CYFIP2: variants seen among roughly 807,000 people sequenced by gnomAD.
The protein encoded by CYFIP2 is cytoplasmic FMR1-interacting protein 2.
A neutral mutation model predicts 158.7 loss-of-function variants in CYFIP2; 29 were observed. That is an observed-to-expected ratio of 0.18 (90% CI 0.14 to 0.25). The LOEUF is 0.25. Among genes scored for constraint, CYFIP2 ranks in the 10% least tolerant of loss-of-function variants. The probability of loss-of-function intolerance (pLI) is 1.00; values close to 1 mark genes in which losing one functional copy is unlikely to be tolerated. For synonymous variants in CYFIP2, 585 were observed against 617.6 expected, an observed-to-expected ratio of 0.95 and a Z score of 0.78; for missense variants, 852 against 1,639.5, an observed-to-expected ratio of 0.52 and a Z score of 8.29.
intron 18 of CYFIP2, among the ~76,000 whole-genome samples, chr5:157,327,085 G>A (rs1761083627): frequency 6.6e-6 from 1 of 152,072 alleles, no homozygotes; most frequent in Non-Finnish European, 1.5e-5. Context: ...GTCATGTCCT[G>A]CTCTTGCCAT....
intron 12 of CYFIP2, 76 bp from the exon 13 acceptor site, chr5:157,314,893 C>G: frequency 8.7e-7 from 1 of 1,149,808 alleles, no homozygotes; most frequent in Non-Finnish European, 1.3e-6. Context: ...AATAATATTC[C>G]ATTGCATGGA....
At chr5:157,388,889 T>G (rs1766971715) in intron 28 of CYFIP2, among the ~76,000 whole-genome samples, 1 of 152,242 alleles carries the variant, frequency 6.6e-6, no homozygotes. Flanking sequence ...GTACTACTAG[T>G]AGTATCATGT....
At chr5:157,312,430 C>A (rs775647397) in intron 11 of CYFIP2, among the ~76,000 whole-genome samples, 1 of 151,860 alleles carries the variant, frequency 6.6e-6, no homozygotes, top group African/African-American at 2.4e-5. Context: ...ATCCCAGAAC[C>A]AACTAAGACT....
chr5:157,367,903 C>G (rs149365440), intron 26 of CYFIP2, among the ~76,000 whole-genome samples: 3 of 151,880 alleles, frequency 2.0e-5, no homozygotes, highest in Non-Finnish European at 4.4e-5. Context: ...TACAGGCATG[C>G]ACCACCACAC....
rs568816150 is a variant in CYFIP2 at position 157,336,022 on chromosome 5, C to T, written c.2385+2576C>T. 2.0e-5 allele frequency among the ~76,000 whole-genome samples: 3 copies of T among 152,238 alleles called. No individual in the cohort carries two copies. In the East Asian group the frequency reaches 5.8e-4, roughly 29 times the overall value. On this transcript the variant is annotated intron_variant, in intron 21 of 30. Coordinates refer to ENST00000620254, the MANE Select transcript of CYFIP2 (RefSeq NM_001037333.3). ...AGTGGCTCCCCAGAGAACACCAGTT[C>T]CTGGGAAGCCCATGAAGAGACCTCA...
intron 23 of CYFIP2, among the ~76,000 whole-genome samples, chr5:157,350,790 A>G (rs1397807573): frequency 6.6e-6 from 1 of 152,198 alleles, no homozygotes; most frequent in Non-Finnish European, 1.5e-5. Context: ...TGTTTGTGTC[A>G]TCTATGATTT....
intron 23 of CYFIP2, among the ~76,000 whole-genome samples, chr5:157,357,000 A>G (rs1763455900): frequency 1.3e-5 from 2 of 152,202 alleles, no homozygotes; most frequent in South Asian, 4.1e-4. Flanking sequence ...ACTGGCCCAT[A>G]CATTTCGAAG....
At chr5:157,303,051 G>A (rs574828739) in intron 7 of CYFIP2, 161 bp downstream of exon 7, 2 of 597,892 alleles carry the variant, frequency 3.3e-6, no homozygotes, top group East Asian at 2.9e-5. Context: ...ACTTAAGTCT[G>A]TCCTCCCAAC....
intron 20 of CYFIP2, among the ~76,000 whole-genome samples, chr5:157,332,010 C>A (rs770453384): frequency 6.6e-6 from 1 of 152,182 alleles, no homozygotes; most frequent in Non-Finnish European, 1.5e-5. Context: ...CATCCTCTTG[C>A]TTTTAAATTT....
intron 28 of CYFIP2, among the ~76,000 whole-genome samples, chr5:157,383,871 G>A (rs10061544): frequency 0.071 from 10,807 of 152,228 alleles, 418 homozygotes; most frequent in Middle Eastern, 0.1. Context: ...TAATGAAAAG[G>A]CAAAATTAGA....
intron 7 of CYFIP2, among the ~76,000 whole-genome samples, chr5:157,303,605 C>T (rs368857874): frequency 1.3e-5 from 2 of 152,310 alleles, no homozygotes; most frequent in East Asian, 3.9e-4. Context: ...AGGGCCCTTG[C>T]CACTCTTTGT....
At chr5:157,340,998 C>T in intron 22 of CYFIP2, 72 bp from the exon 23 acceptor site, 1 of 1,439,652 alleles carries the variant, frequency 6.9e-7, no homozygotes, top group Non-Finnish European at 9.8e-7. Context: ...GGAAGCACTC[C>T]TGTTATCTGT....
At chr5:157,328,129 CCTT>C (rs1471313285) in intron 19 of CYFIP2, 80 bp downstream of exon 19, 4 of 1,372,922 alleles carry the variant, frequency 2.9e-6, no homozygotes, top group Non-Finnish European at 4.1e-6. Flanking sequence ...GTGAAACCTC[CCTT>C]CTTCTTTAGC....
chr5:157,324,485 T>A (rs2113131893), intron 16 of CYFIP2, among the ~76,000 whole-genome samples: 1 of 152,314 alleles, frequency 6.6e-6, no homozygotes, highest in Non-Finnish European at 1.5e-5. Context: ...ACACTTCCTC[T>A]CCTTTTAGTA....
At position 157,395,391 on chromosome 5, in the gene CYFIP2, AGTT is replaced by A. The variant is rs908858509; in HGVS notation, c.*2396_*2398del. ...TCAAATGTACCATATTTGTATTAAG[AGTT>A]GTTGGGAATTTTTGTACAATGAATT... On this transcript the variant is annotated 3_prime_UTR_variant, in exon 31 of 31. Coordinates refer to ENST00000620254, the MANE Select transcript of CYFIP2 (RefSeq NM_001037333.3). The A allele has an allele frequency of 1.3e-4, 47 of 353,344 alleles. No individual in the cohort carries two copies. The highest frequency in any genetic ancestry group is 7.1e-4 in the African/African-American group (33 of 46,604). 21.9% of individuals were successfully genotyped at this position (353,344 alleles called of 1,614,324 possible).
chr5:157,361,368 A>G lies in CYFIP2; in HGVS notation c.2909-100A>G. On this transcript the variant is annotated intron_variant, in intron 25 of 30. Transcript: ENST00000620254. The surrounding 1 kb of genome is among the most constrained non-coding windows in gnomAD (Gnocchi z 4.4). ...GGGATGCGTGGTTTGGCTTTTTGCT[A>G]TCCCAGAGTCAGGTCTGGGGCTGCC... 6 of 1,520,210 alleles carry G rather than the reference A, an allele frequency of 3.9e-6. No individual in the cohort carries two copies. Among genetic ancestry groups the G allele is most frequent in the Non-Finnish European group, 4.5e-6 (5 of 1,111,324 alleles). The allele number at this position is 1,520,210 out of a possible 1,614,324, so 94.2% of individuals were successfully genotyped here. A position where few individuals can be genotyped will look rare whatever the true frequency, so the allele number is the denominator to read the frequency against.
intron 29 of CYFIP2, 129 bp downstream of exon 29, chr5:157,389,556 G>A: frequency 1.3e-6 from 1 of 795,154 alleles, no homozygotes. Context: ...CTACTTTGTT[G>A]AGTGTGTTGA....
At chr5:157,384,801 G>A (rs1581199906) in intron 28 of CYFIP2, 5 of 300,544 alleles carry the variant, frequency 1.7e-5, no homozygotes, top group South Asian at 9.2e-5. Context: ...TTAGCCAGGC[G>A]TGGTGGCGGG....
chr5:157,314,275 G>A, intron 11 of CYFIP2, 69 bp from the exon 12 acceptor site: 1 of 1,559,144 alleles, frequency 6.4e-7, no homozygotes, highest in East Asian at 2.3e-5. Flanking sequence ...GTTCTTGGGG[G>A]AATCAATGAG....
Sources: gnomAD v4.1 joint callset for allele counts (sites outside exome capture counted in the v4.1 genomes callset) on GRCh38, gnomAD v4.1.1 for gene constraint, Gnocchi (gnomAD v3.1) non-coding constraint, MANE v1.5 for transcripts, NCBI Gene and HGNC (gene_info 2026-07-23, HGNC 2026-07-21) for gene names.